PLCG1: variants seen among roughly 807,000 people sequenced by gnomAD.
PLCG1 encodes phospholipase C gamma 1.
PLCG1 carries 71 observed loss-of-function variants against 177.8 expected under a neutral mutation model. The observed-to-expected ratio is 0.40, with a 90% CI of 0.33 to 0.49. PLCG1 has a LOEUF of 0.49. PLCG1 is among the 20% of genes least tolerant of loss of function. The probability of loss-of-function intolerance (pLI) is 0.72; values close to 1 mark genes in which losing one functional copy is unlikely to be tolerated. For missense variants in PLCG1, 1,281 were observed against 1,709.0 expected (o/e 0.75, Z 4.42); for synonymous variants, 658 against 647.9 (o/e 1.02, Z -0.24).
rs1482946978 is a variant in PLCG1 at position 41,166,000 on chromosome 20, C to CCA, written c.1799+174_1799+175insCA. The CCA allele has an allele frequency of 4.4e-6, 3 of 674,964 alleles. No homozygotes were observed. The highest frequency in any genetic ancestry group is 5.8e-5 in the Admixed American group (2 of 34,260). The allele number at this position is 674,964 out of a possible 1,614,324, so 41.8% of individuals were successfully genotyped here. ...CACACTCTCTGTCTCACCCCCCCCC[C>CCA]ATACCCCTCCCTTTTCGGTTCATTT... On this transcript the variant is annotated intron_variant, in intron 16 of 31. Coordinates refer to ENST00000685551, the MANE Select transcript of PLCG1 (RefSeq NM_002660.3). This position sits in a 1 kb window ranked among gnomAD's most constrained non-coding sequence, Gnocchi z 6.6.
At position 41,150,782 on chromosome 20, in the gene PLCG1, A is replaced by G. The variant is rs1005910331; in HGVS notation, c.218-8824A>G. On this transcript the variant is annotated intron_variant, in intron 1 of 31. Transcript: ENST00000685551. This position sits in a 1 kb window ranked among gnomAD's most constrained non-coding sequence, Gnocchi z 4.0. ...CCCAATGTGTGCTTGTCAGCCCTCC[A>G]GACCTGGCTTTTACAGAGCACTCCA... 4.6e-5 allele frequency among the ~76,000 whole-genome samples: 7 copies of G among 152,184 alleles called. No individual in the cohort carries two copies. In the East Asian group the frequency reaches 1.3e-3, roughly 29 times the overall value.
chr20:41,172,083 G>T lies in PLCG1; in HGVS notation c.2809-110G>T. ...GTCTGGAAGGTACAGGGGAAGGTGG[G>T]AGAGGGGCCCAGAGCACCTGCAGTG... is the stretch of plus-strand genomic sequence containing the variant. On this transcript the variant is annotated intron_variant, in intron 24 of 31. Coordinates refer to ENST00000685551, the MANE Select transcript of PLCG1 (RefSeq NM_002660.3). The surrounding 1 kb of genome is among the most constrained non-coding windows in gnomAD (Gnocchi z 7.0). 1 of 799,620 alleles carries T rather than the reference G, an allele frequency of 1.3e-6. No individual in the cohort carries two copies. The highest frequency in any genetic ancestry group is 1.7e-5 in the Admixed American group (1 of 57,556). The allele number at this position is 799,620 out of a possible 1,614,324, so 49.5% of individuals were successfully genotyped here.
At chr20:41,138,938 C>CTAGACTGG (rs2034716801) in intron 1 of PLCG1, among the ~76,000 whole-genome samples, 1 of 152,176 alleles carries the variant, frequency 6.6e-6, no homozygotes, top group African/African-American at 2.4e-5. Context: ...GTCTGCAACT[C>CTAGACTGG]TAGACTGGGT....
rs780240763 is a variant in PLCG1, at chr20:41,166,594, C to A, written c.2119C>A (p.Arg707=). ...NEPNSYAISF[R]AEGKIKHCRV... ...ACCCAACTCATATGCCATCTCTTTC[C>A]GGTGAGGGGTGTGGCACTGGGTTGT... The change falls in exon 18 of 32, where the codon CGG becomes AGG. Residue 707 remains arginine, a splice_region_variant and synonymous_variant. Coordinates refer to ENST00000685551, the MANE Select transcript of PLCG1 (RefSeq NM_002660.3). This position sits in a 1 kb window ranked among gnomAD's most constrained non-coding sequence, Gnocchi z 8.6. 6.2e-7 allele frequency: 1 copy of A among 1,614,164 alleles called. No homozygotes were observed. Among genetic ancestry groups the A allele is most frequent in the Non-Finnish European group, 8.5e-7 (1 of 1,180,034 alleles).
At position 41,148,219 on chromosome 20, in the gene PLCG1, G is replaced by A. The variant is rs1378796202; in HGVS notation, c.217+10361G>A. On this transcript the variant is annotated intron_variant, in intron 1 of 31. Transcript: ENST00000685551. The surrounding 1 kb of genome is among the most constrained non-coding windows in gnomAD (Gnocchi z 4.3). ...AACCAACATTTACTGTCCAAGAGGT[G>A]GCAGTAACACAGAAACCAAAGAGGC... Among the ~76,000 whole-genome samples, 2 of 152,216 alleles carry A rather than the reference G, an allele frequency of 1.3e-5. No individual in the cohort carries two copies. Among genetic ancestry groups the A allele is most frequent in the Admixed American group, 1.3e-4 (2 of 15,290 alleles).
In PLCG1 at chr20:41,137,576, C is replaced by T. The variant is rs1285502024; in HGVS notation, c.-66C>T. ...CCTCAGCCTCAGCCCCAACCTCAGC[C>T]GCCGCCGTTGCGCTTGCTCCCGGGC... is the stretch of plus-strand genomic sequence containing the variant. On this transcript the variant is annotated 5_prime_UTR_variant, in exon 1 of 32. Transcript: ENST00000685551. This position sits in a 1 kb window ranked among gnomAD's most constrained non-coding sequence, Gnocchi z 7.3. 31 of 1,009,572 alleles carry T rather than the reference C, an allele frequency of 3.1e-5. No homozygotes were observed. The highest frequency in any genetic ancestry group is 4.0e-5 in the South Asian group (1 of 25,104). 62.5% of individuals were successfully genotyped at this position (1,009,572 alleles called of 1,614,324 possible). A position where few individuals can be genotyped will look rare whatever the true frequency, so the allele number is the denominator to read the frequency against.
At position 41,164,840 on chromosome 20, in the gene PLCG1, A is replaced by G; in HGVS notation, c.1218-93A>G. On this transcript the variant is annotated intron_variant, in intron 12 of 31. Coordinates refer to ENST00000685551, the MANE Select transcript of PLCG1 (RefSeq NM_002660.3). This position sits in a 1 kb window ranked among gnomAD's most constrained non-coding sequence, Gnocchi z 6.4. ...TAGTTTTTACAGACAAGAAGCCCCC[A>G]GGCCCTTGGCTTCCAACAGCTCACT... The G allele has an allele frequency of 7.9e-7, 1 of 1,264,420 alleles. No individual in the cohort carries two copies. Among genetic ancestry groups the G allele is most frequent in the Non-Finnish European group, 1.1e-6 (1 of 897,482 alleles). 78.3% of individuals were successfully genotyped at this position (1,264,420 alleles called of 1,614,324 possible).
chr20:41,163,284 G>A lies in PLCG1; in HGVS notation c.789+9G>A, dbSNP rs1480299224. On this transcript the variant is annotated intron_variant, in intron 8 of 31. Coordinates refer to ENST00000685551, the MANE Select transcript of PLCG1 (RefSeq NM_002660.3). The surrounding 1 kb of genome is among the most constrained non-coding windows in gnomAD (Gnocchi z 5.2). Reference sequence around the variant, plus strand: ...TTCTTGACTACCAGGGGGTATGGCTGGGCTGACATTGGCCCAGGCTGGTAG... The same window carrying A: ...TTCTTGACTACCAGGGGGTATGGCTAGGCTGACATTGGCCCAGGCTGGTAG... 2.5e-6 allele frequency: 4 copies of A among 1,575,466 alleles called. No homozygotes were observed. Among genetic ancestry groups the A allele is most frequent in the East Asian group, 2.2e-5 (1 of 44,546 alleles).
rs1269993224 is a variant in PLCG1, at chr20:41,174,540, G to A, written c.*31G>A. ...CCCCAGCCTCGTTGGAGAGCAGCAG[G>A]TGCTGTGCGCCTTGTAGAATGCCGC... On this transcript the variant is annotated 3_prime_UTR_variant, in exon 32 of 32. Transcript: ENST00000685551. The surrounding 1 kb of genome is among the most constrained non-coding windows in gnomAD (Gnocchi z 5.8). 2.6e-6 allele frequency: 4 copies of A among 1,566,224 alleles called. No homozygotes were observed. The highest frequency in any genetic ancestry group is 8.7e-7 in the Non-Finnish European group (1 of 1,153,396).
At position 41,144,560 on chromosome 20, in the gene PLCG1, C is replaced by G. The variant is rs1254786075; in HGVS notation, c.217+6702C>G. On this transcript the variant is annotated intron_variant, in intron 1 of 31. Coordinates refer to ENST00000685551, the MANE Select transcript of PLCG1 (RefSeq NM_002660.3). This position sits in a 1 kb window ranked among gnomAD's most constrained non-coding sequence, Gnocchi z 4.1. ...TGATTGGGGGTGGGACACAGAAGAGCCTCACCCTCTTGACTTTCTGGTTTG... is the reference window on the plus strand; with the variant it reads ...TGATTGGGGGTGGGACACAGAAGAGGCTCACCCTCTTGACTTTCTGGTTTG... Among the ~76,000 whole-genome samples, 3 of 152,174 alleles carry G rather than the reference C, an allele frequency of 2.0e-5. No individual in the cohort carries two copies. Among genetic ancestry groups the G allele is most frequent in the Non-Finnish European group, 4.4e-5 (3 of 68,036 alleles).
At position 41,166,583 on chromosome 20, in the gene PLCG1, C is replaced by T. The variant is rs909702366; in HGVS notation, c.2108C>T (p.Ala703Val). The T allele has an allele frequency of 3.1e-6, 5 of 1,614,094 alleles. No individual in the cohort carries two copies. In the Admixed American group the frequency reaches 5.0e-5, roughly 16 times the overall value. The change falls in exon 18 of 32, where the codon GCC becomes GTC. Residue 703 changes from alanine to valine, a missense_variant. Ala to Val is a moderately conservative substitution (Grantham distance 64, BLOSUM62 0). Around this residue, in one of 4 missense-constraint regions of PLCG1, gnomAD observed 723 missense variants for 1,030.0 expected, o/e 0.70. Transcript: ENST00000685551. This position sits in a 1 kb window ranked among gnomAD's most constrained non-coding sequence, Gnocchi z 8.6. ...VRKRNEPNSY[A>V]ISFRAEGKIK... Reference sequence around the variant, plus strand: ...AAGCGGAATGAACCCAACTCATATGCCATCTCTTTCCGGTGAGGGGTGTGG... The same window carrying T: ...AAGCGGAATGAACCCAACTCATATGTCATCTCTTTCCGGTGAGGGGTGTGG...
rs1416535429 is a variant in PLCG1, at chr20:41,150,454, CTCCTGTAGCTA to C, written c.218-9151_218-9141del. On this transcript the variant is annotated intron_variant, in intron 1 of 31. Transcript: ENST00000685551. The surrounding 1 kb of genome is among the most constrained non-coding windows in gnomAD (Gnocchi z 4.0). ...TGGCCCTGGTGGGTCCCCAGTCTCT[CTCCTGTAGCTA>C]GGAGCCTGGCATACACAGGCCATCT... Among the ~76,000 whole-genome samples the C allele has an allele frequency of 5.3e-5, 8 of 152,180 alleles. No individual in the cohort carries two copies. Among genetic ancestry groups the C allele is most frequent in the Non-Finnish European group, 1.2e-4 (8 of 68,036 alleles).
chr20:41,169,413 A>G, intron 22 of PLCG1, 44 bp from the exon 23 acceptor site: 1 of 1,433,786 alleles, frequency 7.0e-7, no homozygotes, highest in Non-Finnish European at 9.8e-7. Flanking sequence ...TCACACACAT[A>G]TGCAGTAGCC....
chr20:41,162,870 ATCTGC>A, intron 6 of PLCG1, 83 bp from the exon 7 acceptor site: 1 of 1,390,080 alleles, frequency 7.2e-7, no homozygotes, highest in Non-Finnish European at 1.0e-6. Context: ...GCCTGCCCCC[ATCTGC>A]TGCTCTAGCC....
intron 1 of PLCG1, among the ~76,000 whole-genome samples, chr20:41,141,065 C>T (rs943616333): frequency 6.6e-6 from 1 of 152,212 alleles, no homozygotes; most frequent in Non-Finnish European, 1.5e-5. Context: ...CTCAGCCTCT[C>T]TAGGCTCTGG....
intron 4 of PLCG1, among the ~76,000 whole-genome samples, chr20:41,161,150 C>G (rs2035482262): frequency 6.6e-6 from 1 of 152,060 alleles, no homozygotes; most frequent in Non-Finnish European, 1.5e-5. Context: ...TCCCAGACCA[C>G]CCCCATATTA....
chr20:41,163,639 C>A lies in PLCG1; in HGVS notation c.892-76C>A. 8.6e-6 allele frequency: 10 copies of A among 1,156,504 alleles called. No homozygotes were observed. Among genetic ancestry groups the A allele is most frequent in the Non-Finnish European group, 1.3e-5 (10 of 766,762 alleles). 71.6% of individuals were successfully genotyped at this position (1,156,504 alleles called of 1,614,324 possible). A position where few individuals can be genotyped will look rare whatever the true frequency, so the allele number is the denominator to read the frequency against. On this transcript the variant is annotated intron_variant, in intron 9 of 31. Transcript: ENST00000685551. This position sits in a 1 kb window ranked among gnomAD's most constrained non-coding sequence, Gnocchi z 5.2. Reference sequence around the variant, plus strand: ...CAGTTGGGACAGAGCACTCTCTCTCCTACCCCCAACCTACCATCTTGGGTT... The same window carrying A: ...CAGTTGGGACAGAGCACTCTCTCTCATACCCCCAACCTACCATCTTGGGTT...
At chr20:41,143,675 C>T (rs1015899112) in intron 1 of PLCG1, among the ~76,000 whole-genome samples, 6 of 152,172 alleles carry the variant, frequency 3.9e-5, no homozygotes, top group Non-Finnish European at 7.3e-5. Context: ...GCTGAAGTGC[C>T]TGGAGATTTG....
At position 41,144,195 on chromosome 20, in the gene PLCG1, A is replaced by G. The variant is rs555092468; in HGVS notation, c.217+6337A>G. Among the ~76,000 whole-genome samples the G allele has an allele frequency of 1.3e-5, 2 of 152,350 alleles. No homozygotes were observed. Among genetic ancestry groups the G allele is most frequent in the African/African-American group, 2.4e-5 (1 of 41,572 alleles). ...AGTTACTATCCCTCTCTTACAGAGG[A>G]GAAAACCAAGCCCTAAGGGTAAGGT... On this transcript the variant is annotated intron_variant, in intron 1 of 31. Transcript: ENST00000685551. This position sits in a 1 kb window ranked among gnomAD's most constrained non-coding sequence, Gnocchi z 4.1.
Sources: gnomAD v4.1 joint callset for allele counts (sites outside exome capture counted in the v4.1 genomes callset) on GRCh38, gnomAD v4.1.1 for gene constraint, gnomAD v4.1.1 regional missense constraint, Gnocchi (gnomAD v3.1) non-coding constraint, MANE v1.5 for transcripts, NCBI Gene and HGNC (gene_info 2026-07-23, HGNC 2026-07-21) for gene names.